Variants in ANKRD62 observed in about 807,000 individuals in gnomAD.
The protein encoded by ANKRD62 is ankyrin repeat domain 62.
In ANKRD62, 61 loss-of-function variants were observed where a neutral mutation model predicts 98.8. The observed-to-expected ratio is 0.62, with a 90% confidence interval of 0.50 to 0.76. ANKRD62 has a LOEUF of 0.76. ANKRD62 is among the 30% of genes least tolerant of loss of function. The pLI is 0.00. For missense variants in ANKRD62, 933 were observed against 1,082.9 expected (o/e 0.86, Z 1.94); for synonymous variants, 341 against 367.9 (o/e 0.93, Z 0.84).
the ANKRD62 span, among the ~76,000 whole-genome samples, chr18:12,154,213 C>G: frequency 6.6e-6 from 1 of 152,138 alleles, no homozygotes; most frequent in Non-Finnish European, 1.5e-5. Flanking sequence ...TGACAAAGCT[C>G]TAATATCCAG....
chr18:12,107,613 A>C, intron 8 of ANKRD62, 146 bp downstream of exon 8: 1 of 570,410 alleles, frequency 1.8e-6, no homozygotes, highest in Non-Finnish European at 2.7e-6. Flanking sequence ...AATGCAAATT[A>C]ACAAGCAATG....
the ANKRD62 span, among the ~76,000 whole-genome samples, chr18:12,155,992 A>G: frequency 6.6e-6 from 1 of 151,636 alleles, no homozygotes; most frequent in Non-Finnish European, 1.5e-5. Context: ...GTGAGTTCTC[A>G]CTCTGTTAGT....
At chr18:12,114,688 G>A (rs1909621976) in intron 8 of ANKRD62, among the ~76,000 whole-genome samples, 1 of 152,102 alleles carries the variant, frequency 6.6e-6, no homozygotes, top group South Asian at 2.1e-4. Context: ...TTAAAAAAGG[G>A]ATTCTGTTAC....
At chr18:12,171,226 C>T in the ANKRD62 span, among the ~76,000 whole-genome samples, 1,400 of 119,658 alleles carry the variant, frequency 0.012, no homozygotes, top group South Asian at 0.03. Context: ...CAGTTTCTTC[C>T]TAGCATCGAT....
chr18:12,153,330 C>A, the ANKRD62 span, among the ~76,000 whole-genome samples: 3 of 152,046 alleles, frequency 2.0e-5, no homozygotes, highest in Non-Finnish European at 4.4e-5. Context: ...GTGGCTCATG[C>A]CTGTAATCCC....
the ANKRD62 span, among the ~76,000 whole-genome samples, chr18:12,161,234 A>G: frequency 6.6e-6 from 1 of 152,172 alleles, no homozygotes; most frequent in Non-Finnish European, 1.5e-5. Context: ...ACCTGAAAAG[A>G]TAATGCAAAT....
At position 12,096,267 on chromosome 18, in the gene ANKRD62, A is replaced by G. The variant is rs79407210; in HGVS notation, c.579A>G (p.Lys193=). 2,798 of 1,534,640 alleles carry G rather than the reference A, an allele frequency of 1.8e-3. 31 individuals are homozygous for G. In the African/African-American group the frequency reaches 0.029, roughly 16 times the overall value. ...AAATGGTGGCATTTTTGTTGAAGAA[A>G]AAACCAGATTTAACTGCAATAGATA... ...KEQMVAFLLK[K]KPDLTAIDNF... The change falls in exon 4 of 14, where the codon AAA becomes AAG. Residue 193 remains lysine (K), a synonymous_variant. Coordinates refer to ENST00000587848, the MANE Select transcript of ANKRD62 (RefSeq NM_001277333.2).
chr18:12,127,248 T>A (rs1237068859), intron 13 of ANKRD62, among the ~76,000 whole-genome samples: 1 of 152,026 alleles, frequency 6.6e-6, no homozygotes, highest in African/African-American at 2.4e-5. Flanking sequence ...AAGAGAGACA[T>A]AGCAGCTGGG....
chr18:12,102,941 T>C (rs1014432005), intron 6 of ANKRD62, among the ~76,000 whole-genome samples: 1 of 152,204 alleles, frequency 6.6e-6, no homozygotes, highest in Non-Finnish European at 1.5e-5. Flanking sequence ...ATGGCTTGAA[T>C]CTGGTGACAT....
intron 5 of ANKRD62, among the ~76,000 whole-genome samples, chr18:12,098,695 G>A (rs531464848): frequency 2.6e-5 from 4 of 152,306 alleles, no homozygotes; most frequent in African/African-American, 4.8e-5. Flanking sequence ...GAGTAAACTC[G>A]TGGTGTGTTG....
the ANKRD62 span, among the ~76,000 whole-genome samples, chr18:12,138,456 T>C: frequency 6.6e-6 from 1 of 152,222 alleles, no homozygotes; most frequent in Non-Finnish European, 1.5e-5. Context: ...GAGGAGTGTT[T>C]TACTTCCAAC....
intron 10 of ANKRD62, among the ~76,000 whole-genome samples, chr18:12,118,721 C>A (rs1375539756): frequency 1.3e-5 from 2 of 151,356 alleles, no homozygotes; most frequent in East Asian, 1.9e-4. Flanking sequence ...TTTGTCATAT[C>A]TTTTTAGCAT....
rs1909929113 is a variant in ANKRD62 at position 12,128,025 on chromosome 18, A to C, written c.*86A>C. 1.2e-6 allele frequency: 1 copy of C among 829,884 alleles called. No individual in the cohort carries two copies. 51.4% of individuals were successfully genotyped at this position (829,884 alleles called of 1,614,324 possible). A position where few individuals can be genotyped will look rare whatever the true frequency, so the allele number is the denominator to read the frequency against. On this transcript the variant is annotated 3_prime_UTR_variant, in exon 14 of 14. Coordinates refer to ENST00000587848, the MANE Select transcript of ANKRD62 (RefSeq NM_001277333.2). ...TTTTCATTATAATTAATTTTATTAA[A>C]ATTTGATTATCTTTATAATACATCC...
chr18:12,138,956 T>C, the ANKRD62 span, among the ~76,000 whole-genome samples: 2 of 152,186 alleles, frequency 1.3e-5, no homozygotes, highest in African/African-American at 2.4e-5. Context: ...TGAGATGGGT[T>C]TCCTGAATAC....
In ANKRD62 at chr18:12,118,608, T is replaced by TA. The variant is rs34897974; in HGVS notation, c.1240+3094dup. Among the ~76,000 whole-genome samples the TA allele has an allele frequency of 8.6e-3, 1,208 of 141,100 alleles. 13 individuals are homozygous for TA. Among genetic ancestry groups the TA allele is most frequent in the African/African-American group, 0.029 (1,111 of 38,168 alleles). 92.6% of individuals were successfully genotyped at this position (141,100 alleles called of 152,430 possible). ...TCGGAGACAGAGTAAGGCTCTGTCT[T>TA]AAAAAAAAAAAAAAAAAAAAGAAAG... On this transcript the variant is annotated intron_variant, in intron 10 of 13. Transcript: ENST00000587848.
At chr18:12,105,888 T>G (rs1909403326) in intron 7 of ANKRD62, among the ~76,000 whole-genome samples, 1 of 152,212 alleles carries the variant, frequency 6.6e-6, no homozygotes, top group African/African-American at 2.4e-5. Context: ...AGGAAATTGC[T>G]TAAAAATTTA....
chr18:12,137,312 GT>G, the ANKRD62 span, among the ~76,000 whole-genome samples: 2 of 152,088 alleles, frequency 1.3e-5, no homozygotes, highest in African/African-American at 4.8e-5. Context: ...TAATCATGTG[GT>G]TTTTGTCTTT....
intron 3 of ANKRD62, among the ~76,000 whole-genome samples, chr18:12,095,973 T>A (rs1909172812): frequency 6.6e-6 from 1 of 152,224 alleles, no homozygotes; most frequent in Non-Finnish European, 1.5e-5. Context: ...ATGTGAGGCA[T>A]ATGTGCTCCA....
At chr18:12,169,376 T>C in the ANKRD62 span, among the ~76,000 whole-genome samples, 2 of 152,236 alleles carry the variant, frequency 1.3e-5, no homozygotes, top group African/African-American at 4.8e-5. Context: ...CTTTTCTGCA[T>C]CTATTGAGAT....
Sources: gnomAD v4.1 joint callset for allele counts (sites outside exome capture counted in the v4.1 genomes callset) on GRCh38, gnomAD v4.1.1 for gene constraint, MANE v1.5 for transcripts, NCBI Gene and HGNC (gene_info 2026-07-23, HGNC 2026-07-21) for gene names.